Variants in LRRIQ1 observed in about 807,000 individuals in gnomAD.
The protein encoded by LRRIQ1 is leucine rich repeats and IQ motif containing 1, also known as leucine-rich repeat- and IQ domain-containing protein 1.
LRRIQ1 carries 210 observed loss-of-function variants against 211.9 expected under a neutral mutation model. The observed-to-expected ratio is 0.99, with a 90% confidence interval of 0.89 to 1.11. LRRIQ1 has a LOEUF of 1.11. Ranked by LOEUF, LRRIQ1 falls within the 50% of genes most tolerant of loss-of-function variation. LRRIQ1 has a pLI of 0.00. For synonymous variants in LRRIQ1, 699 were observed against 650.1 expected (o/e 1.08, Z -1.14); for missense variants, 2,136 against 1,939.5 (o/e 1.10, Z -1.90).
chr12:85,131,048 T>TAAAA (rs35852058), intron 18 of LRRIQ1, among the ~76,000 whole-genome samples: 1 of 130,178 alleles, frequency 7.7e-6, no homozygotes. Flanking sequence ...TCATCTCTAC[T>TAAAA]AAAAAAAAAA....
chr12:85,105,251 A>G (rs889307627), intron 14 of LRRIQ1, among the ~76,000 whole-genome samples: 3 of 151,992 alleles, frequency 2.0e-5, no homozygotes, highest in African/African-American at 4.8e-5. Context: ...GTCCTTTTAT[A>G]ATAAAATTTT....
chr12:85,250,561 G>T (rs1895877651), intron 1 of LRRIQ1, among the ~76,000 whole-genome samples: 1 of 150,262 alleles, frequency 6.7e-6, no homozygotes, highest in Admixed American at 6.8e-5. Flanking sequence ...GCAACATAGT[G>T]GGATCCTTAC....
intron 24 of LRRIQ1, among the ~76,000 whole-genome samples, chr12:85,184,277 G>T (rs531716833): frequency 6.6e-6 from 1 of 152,060 alleles, no homozygotes; most frequent in South Asian, 2.1e-4. Flanking sequence ...TTTATCACCA[G>T]ATGTCTCTGA....
At chr12:85,045,888 G>A in intron 4 of LRRIQ1, 132 bp from the exon 5 acceptor site, 1 of 461,062 alleles carries the variant, frequency 2.2e-6, no homozygotes, top group Non-Finnish European at 3.8e-6. Flanking sequence ...CTGCAGATTT[G>A]TATTTGAGAG....
In LRRIQ1 at chr12:85,073,088, A is replaced by G; in HGVS notation, c.2877A>G (p.Leu959=). Residue 959 remains leucine (L), a synonymous_variant, in exon 11 of 27, where the codon TTA becomes TTG. Coordinates refer to ENST00000393217, the MANE Select transcript of LRRIQ1 (RefSeq NM_001079910.2). ...NSDCNFLISH[L]YWNCGLESLK... is the part of the protein sequence containing the mutation. The stretch of plus-strand genomic sequence containing the variant: ...ATTGTAATTTCCTTATCTCCCACTT[A>G]TACTGGAATTGTAAGTTGTGTTTAT... 3 of 1,597,000 alleles carry G rather than the reference A, an allele frequency of 1.9e-6. No individual in the cohort carries two copies. The highest frequency in any genetic ancestry group is 2.6e-6 in the Non-Finnish European group (3 of 1,168,072).
At chr12:85,187,947 A>G (rs950514930) in intron 24 of LRRIQ1, among the ~76,000 whole-genome samples, 11 of 152,016 alleles carry the variant, frequency 7.2e-5, no homozygotes, top group African/African-American at 2.4e-4. Context: ...ACCAAAGAAC[A>G]ATCCCCATTA....
At chr12:85,138,632 G>A (rs1249658037) in intron 19 of LRRIQ1, among the ~76,000 whole-genome samples, 1 of 151,288 alleles carries the variant, frequency 6.6e-6, no homozygotes, top group African/African-American at 2.4e-5. Context: ...TAAATCCCCT[G>A]CCTTAAAACT....
intron 24 of LRRIQ1, among the ~76,000 whole-genome samples, chr12:85,197,653 G>A (rs892110250): frequency 3.2e-4 from 49 of 151,348 alleles, no homozygotes; most frequent in African/African-American, 1.1e-3. Flanking sequence ...ACAGGAAGGG[G>A]AATATCACAC....
chr12:85,171,887 T>C (rs1891437581), intron 24 of LRRIQ1, among the ~76,000 whole-genome samples: 2 of 152,160 alleles, frequency 1.3e-5, no homozygotes, highest in African/African-American at 4.8e-5. Context: ...CTTCTACAAC[T>C]GTGAGCAAAT....
At chr12:85,068,071 AT>A (rs1882634933) in intron 10 of LRRIQ1, among the ~76,000 whole-genome samples, 1 of 151,816 alleles carries the variant, frequency 6.6e-6, no homozygotes, top group African/African-American at 2.4e-5. Flanking sequence ...ATTGTTTTTT[AT>A]TATTTAATTC....
At chr12:85,037,116 G>A (rs1232943676) in intron 1 of LRRIQ1, among the ~76,000 whole-genome samples, 2 of 152,116 alleles carry the variant, frequency 1.3e-5, no homozygotes, top group Admixed American at 6.6e-5. Flanking sequence ...GTTATTACAC[G>A]TTGAAATATT....
chr12:85,178,840 A>G (rs1042873983), intron 24 of LRRIQ1, among the ~76,000 whole-genome samples: 7 of 151,820 alleles, frequency 4.6e-5, no homozygotes. Context: ...TGTGTCAGAC[A>G]TTATATTAGG....
chr12:85,235,291 T>C (rs1040283849), intron 26 of LRRIQ1, among the ~76,000 whole-genome samples: 3 of 152,184 alleles, frequency 2.0e-5, no homozygotes, highest in African/African-American at 4.8e-5. Flanking sequence ...CTCTGGAATT[T>C]TCCTGCAGAA....
chr12:85,105,794 C>CTG (rs762864249), intron 14 of LRRIQ1, among the ~76,000 whole-genome samples: 1 of 59,170 alleles, frequency 1.7e-5, no homozygotes, highest in African/African-American at 8.1e-5. Context: ...TTCTTTCTTT[C>CTG]TATTTTTTTT....
At chr12:85,161,731 A>G (rs1016851465) in intron 24 of LRRIQ1, among the ~76,000 whole-genome samples, 2 of 152,182 alleles carry the variant, frequency 1.3e-5, no homozygotes, top group African/African-American at 4.8e-5. Flanking sequence ...CATGGAGTCT[A>G]GAATTTTCCG....
At chr12:85,164,106 A>C (rs1164752076) in intron 24 of LRRIQ1, among the ~76,000 whole-genome samples, 1 of 152,200 alleles carries the variant, frequency 6.6e-6, no homozygotes, top group East Asian at 1.9e-4. Context: ...CCAACCTGTA[A>C]TACCTACTTG....
chr12:85,184,352 ATAAG>A (rs1453108046), intron 24 of LRRIQ1, among the ~76,000 whole-genome samples: 1 of 152,082 alleles, frequency 6.6e-6, no homozygotes, highest in African/African-American at 2.4e-5. Flanking sequence ...TATAAAATAA[ATAAG>A]TAAATACATC....
At chr12:85,150,148 GAGTC>G (rs912119865) in intron 19 of LRRIQ1, among the ~76,000 whole-genome samples, 2 of 151,776 alleles carry the variant, frequency 1.3e-5, no homozygotes, top group Non-Finnish European at 2.9e-5. Context: ...ATCAGTGTAA[GAGTC>G]AGGCAACTTG....
At chr12:85,118,423 G>A (rs1025532182) in intron 15 of LRRIQ1, among the ~76,000 whole-genome samples, 1 of 150,316 alleles carries the variant, frequency 6.7e-6, no homozygotes, top group Non-Finnish European at 1.5e-5. Context: ...GAGAAAAAAG[G>A]TTTCAGTTTT....
Sources: allele counts gnomAD v4.1 joint callset (sites outside exome capture counted in the v4.1 genomes callset), GRCh38; gene constraint gnomAD v4.1.1; transcripts MANE v1.5; gene names NCBI Gene and HGNC (gene_info 2026-07-23, HGNC 2026-07-21).